The following EPB41 variants were observed in gnomAD, a reference collection of about 807,000 sequenced individuals.
EPB41 encodes erythrocyte membrane protein band 4.1, also known as protein 4.1.
Under a neutral mutation model 108.0 loss-of-function variants are expected in EPB41, and 65 were observed. The ratio of observed to expected loss-of-function variants is 0.60; its 90% confidence interval spans 0.49 to 0.74. The LOEUF (loss-of-function observed/expected upper bound fraction) is 0.74, where lower values mean the gene tolerates loss of function less well. Among genes scored for constraint, EPB41 ranks in the 30% least tolerant of loss-of-function variants. The pLI, the probability that EPB41 is intolerant of heterozygous loss-of-function variation, is 0.00. For missense variants in EPB41, 875 were observed against 1,037.0 expected, an observed-to-expected ratio of 0.84 and a Z score of 2.15; for synonymous variants, 336 against 358.9, an observed-to-expected ratio of 0.94 and a Z score of 0.72.
chr1:28,916,901 C>T (rs1391424211), intron 1 of EPB41, among the ~76,000 whole-genome samples: 1 of 151,822 alleles, frequency 6.6e-6, no homozygotes, highest in Non-Finnish European at 1.5e-5. Flanking sequence ...AGTGATCCTC[C>T]TGCCTCAGCC....
At chr1:29,056,189 G>C (rs1287643655) in intron 12 of EPB41, among the ~76,000 whole-genome samples, 5 of 149,192 alleles carry the variant, frequency 3.4e-5, no homozygotes, top group Admixed American at 2.0e-4. Flanking sequence ...AGCCGAGATC[G>C]CGCCGCTGCA....
intron 1 of EPB41, among the ~76,000 whole-genome samples, chr1:28,923,047 T>A (rs1252763161): frequency 6.6e-6 from 1 of 151,810 alleles, no homozygotes. Flanking sequence ...TGTTTGATTC[T>A]GATAATCAGG....
intron 1 of EPB41, among the ~76,000 whole-genome samples, chr1:28,919,473 T>C (rs1254998558): frequency 2.0e-5 from 3 of 152,084 alleles, no homozygotes; most frequent in African/African-American, 4.8e-5. Flanking sequence ...TTCTTTCTTT[T>C]TTTTTTTTGA....
At chr1:28,966,863 A>G (rs149691792) in intron 1 of EPB41, among the ~76,000 whole-genome samples, 5 of 152,204 alleles carry the variant, frequency 3.3e-5, no homozygotes, top group Admixed American at 2.0e-4. Context: ...TTTGCCCTTT[A>G]TTCTGAATGG....
chr1:28,921,044 C>T (rs897387401), intron 1 of EPB41, among the ~76,000 whole-genome samples: 1 of 152,140 alleles, frequency 6.6e-6, no homozygotes, highest in Non-Finnish European at 1.5e-5. Context: ...GCTGGGACTA[C>T]AGGTGTGTGC....
chr1:29,058,688 C>A, intron 13 of EPB41, 43 bp downstream of exon 13: 1 of 1,596,554 alleles, frequency 6.3e-7, no homozygotes, highest in Non-Finnish European at 8.6e-7. Context: ...CCTCCACCCC[C>A]TCAGTTTTTT....
chr1:29,051,088 G>GTTTTTTTTTTTTTTTTTTT (rs71586885), intron 11 of EPB41, among the ~76,000 whole-genome samples: 1 of 51,576 alleles, frequency 1.9e-5, no homozygotes, highest in Non-Finnish European at 3.2e-5. Context: ...TTCTTTTTCT[G>GTTTTTTTTTTTTTTTTTTT]TTTTTTTTTT....
chr1:28,965,909 G>A (rs115434317), intron 1 of EPB41, among the ~76,000 whole-genome samples: 3,768 of 152,230 alleles, frequency 0.025, 151 homozygotes, highest in African/African-American at 0.086. Context: ...TAAGCCGGGC[G>A]TGGTGGCTCA....
chr1:29,067,182 C>T (rs1441811100), intron 16 of EPB41, among the ~76,000 whole-genome samples: 1 of 148,516 alleles, frequency 6.7e-6, no homozygotes, highest in East Asian at 2.1e-4. Context: ...TGGCGAAACC[C>T]CATCTCTACT....
chr1:28,986,485 C>T (rs1264485641), intron 1 of EPB41, among the ~76,000 whole-genome samples: 1 of 152,162 alleles, frequency 6.6e-6, no homozygotes, highest in Non-Finnish European at 1.5e-5. Flanking sequence ...CTGCTCTTTC[C>T]TCCTCCCCTA....
Position 28,977,569 on chromosome 1 carries a change from G to C in EPB41, c.-7-9862G>C, listed in dbSNP as rs1571806258. ...TCAGTGTTGTGTAGATTCTTTGTTT[G>C]TTTGTTTGTTTAAATCAAAAGACCT... On this transcript the variant is annotated intron_variant, in intron 1 of 20. Transcript: ENST00000343067. Among the ~76,000 whole-genome samples the C allele has an allele frequency of 2.0e-5, 3 of 151,842 alleles. No individual in the cohort carries two copies. In the East Asian group the frequency reaches 5.8e-4, roughly 29 times the overall value.
chr1:29,087,553 G>T (rs1659577530), intron 16 of EPB41, among the ~76,000 whole-genome samples: 1 of 151,820 alleles, frequency 6.6e-6, no homozygotes, highest in African/African-American at 2.4e-5. Flanking sequence ...TTAGAGACGG[G>T]GTTTCTCCAT....
chr1:29,001,631 A>G (rs1225879308), intron 4 of EPB41, among the ~76,000 whole-genome samples: 3 of 152,252 alleles, frequency 2.0e-5, no homozygotes, highest in Admixed American at 6.5e-5. Flanking sequence ...ATAGGATTTT[A>G]GGCTTGAAAT....
At chr1:28,940,864 T>C (rs1184806281) in intron 1 of EPB41, among the ~76,000 whole-genome samples, 1 of 152,108 alleles carries the variant, frequency 6.6e-6, no homozygotes, top group African/African-American at 2.4e-5. Flanking sequence ...CATTAGGATA[T>C]CCATTGTGTT....
chr1:29,008,991 T>C (rs2096456979), intron 4 of EPB41, among the ~76,000 whole-genome samples: 1 of 152,254 alleles, frequency 6.6e-6, no homozygotes, highest in Non-Finnish European at 1.5e-5. Flanking sequence ...ATGTCCTCTG[T>C]GCTCTCAGAA....
At chr1:29,063,271 T>C (rs189496526) in intron 15 of EPB41, among the ~76,000 whole-genome samples, 76 of 152,310 alleles carry the variant, frequency 5.0e-4, no homozygotes, top group Non-Finnish European at 6.9e-4. Flanking sequence ...AAGTGCAAAC[T>C]GTTGTTTCCC....
chr1:29,019,035 A>G (rs1195907881), intron 7 of EPB41, among the ~76,000 whole-genome samples: 1 of 152,150 alleles, frequency 6.6e-6, no homozygotes, highest in African/African-American at 2.4e-5. Flanking sequence ...TAGGTCTTTC[A>G]ATTATAATGT....
chr1:28,921,935 A>ATT (rs1491401815), intron 1 of EPB41, among the ~76,000 whole-genome samples: 3 of 68,828 alleles, frequency 4.4e-5, no homozygotes, highest in African/African-American at 2.5e-4. Flanking sequence ...TATTTATGAA[A>ATT]TTTTATATAT....
At chr1:29,038,742 A>C (rs1483006666) in intron 10 of EPB41, among the ~76,000 whole-genome samples, 1 of 152,198 alleles carries the variant, frequency 6.6e-6, no homozygotes, top group African/African-American at 2.4e-5. Flanking sequence ...ATATAGGAAA[A>C]AGATGGGGTT....
Sources: allele counts gnomAD v4.1 joint callset (sites outside exome capture counted in the v4.1 genomes callset), GRCh38; gene constraint gnomAD v4.1.1; transcripts MANE v1.5; gene names NCBI Gene and HGNC (gene_info 2026-07-23, HGNC 2026-07-21).